The following UBAP2L variants were observed in gnomAD, a reference collection of about 807,000 sequenced individuals.
The protein encoded by UBAP2L is ubiquitin associated protein 2 like, also known as ubiquitin-associated protein 2-like.
Under a neutral mutation model 130.6 loss-of-function variants are expected in UBAP2L, and 12 were observed. The ratio of observed to expected loss-of-function variants is 0.09; its 90% CI spans 0.06 to 0.15. The LOEUF (loss-of-function observed/expected upper bound fraction) is 0.15, where lower values mean the gene tolerates loss of function less well. Ranked by LOEUF, UBAP2L falls within the 10% of genes least tolerant of loss-of-function variation. UBAP2L has a pLI of 1.00. For synonymous variants in UBAP2L, 503 were observed against 524.7 expected, an observed-to-expected ratio of 0.96 and a Z score of 0.57; for missense variants, 965 against 1,332.5, an observed-to-expected ratio of 0.72 and a Z score of 4.29.
intron 20 of UBAP2L, among the ~76,000 whole-genome samples, chr1:154,258,400 G>A (rs930331331): frequency 1.3e-5 from 2 of 152,178 alleles, no homozygotes; most frequent in Non-Finnish European, 2.9e-5. Context: ...GACATTAGTA[G>A]CTTTTTGCCC....
chr1:154,257,359 C>T lies in UBAP2L; in HGVS notation c.2367C>T (p.Pro789=), dbSNP rs761228880. The change falls in exon 20 of 27, where the codon CCC becomes CCT. Residue 789 remains proline, a synonymous_variant. Transcript: ENST00000428931. ...TTTCTCTTTTAGGAAAAGCTCCTCC[C>T]AACCTCCCTCCTGGGGTCCCGCCGT... ...SVATTSGKAP[P]NLPPGVPPLL... 4.3e-6 allele frequency: 7 copies of T among 1,613,902 alleles called. No homozygotes were observed. Among genetic ancestry groups the T allele is most frequent in the Non-Finnish European group, 5.9e-6 (7 of 1,180,042 alleles).
chr1:154,260,867 G>A, intron 22 of UBAP2L, 25 bp from the exon 23 acceptor site: 1 of 1,610,812 alleles, frequency 6.2e-7, no homozygotes. Context: ...AAAGAGGCAG[G>A]TACATTTAGC....
chr1:154,256,680 A>T (rs1194100349), intron 18 of UBAP2L, among the ~76,000 whole-genome samples: 1 of 152,192 alleles, frequency 6.6e-6, no homozygotes, highest in Non-Finnish European at 1.5e-5. Flanking sequence ...TTCCTAGTCC[A>T]CAAACTGGTC....
At chr1:154,253,808 G>A (rs941161719) in intron 14 of UBAP2L, 92 bp from the exon 15 acceptor site, 12 of 1,295,234 alleles carry the variant, frequency 9.3e-6, no homozygotes, top group Admixed American at 7.9e-5. Flanking sequence ...TTCAAATCAA[G>A]TTATTCCACT....
chr1:154,224,718 C>G (rs1244073582), intron 1 of UBAP2L, among the ~76,000 whole-genome samples: 2 of 152,100 alleles, frequency 1.3e-5, no homozygotes, highest in Non-Finnish European at 2.9e-5. Flanking sequence ...GTTTTTGTTT[C>G]CAGACTTTAC....
downstream of UBAP2L, chr1:154,270,883 C>T (rs931240678): frequency 1.3e-6 from 2 of 1,543,120 alleles, no homozygotes; most frequent in African/African-American, 2.8e-5. Context: ...CCGTCTAGGA[C>T]ATCCTCAATT....
chr1:154,227,907 G>C (rs1668515925), intron 3 of UBAP2L, among the ~76,000 whole-genome samples: 1 of 152,058 alleles, frequency 6.6e-6, no homozygotes, highest in South Asian at 2.1e-4. Context: ...TTAACCTCTT[G>C]CCTGTTGCTG....
chr1:154,241,723 A>G lies in UBAP2L; in HGVS notation c.756+158A>G. ...AGTGTTCTGAGCCAGAACATTTCAC[A>G]TATGTTATATGAAGGAGACTGGGCA... On this transcript the variant is annotated intron_variant, in intron 9 of 26. Coordinates refer to ENST00000428931, the MANE Select transcript of UBAP2L (RefSeq NM_014847.4). 2 of 985,366 alleles carry G rather than the reference A, an allele frequency of 2.0e-6. 1 individual carries two copies. Among genetic ancestry groups the G allele is most frequent in the Non-Finnish European group, 2.4e-6 (2 of 829,912 alleles). The allele number at this position is 985,366 out of a possible 1,614,324, so 61.0% of individuals were successfully genotyped here.
rs533116834 is a variant in UBAP2L, at chr1:154,222,765, T to C, written c.-41+1790T>C. Among the ~76,000 whole-genome samples the C allele has an allele frequency of 8.5e-5, 13 of 152,360 alleles. No individual in the cohort carries two copies. In the South Asian group the frequency reaches 1.9e-3, roughly 22 times the overall value. ...GCTACTAAGTCATACTGCTTTTGTA[T>C]TTTCCTGAAGTATTGGACACATAGT... On this transcript the variant is annotated intron_variant, in intron 1 of 26. Transcript: ENST00000428931.
At chr1:154,255,098 T>A in intron 16 of UBAP2L, 54 bp from the exon 17 acceptor site, 1 of 1,592,804 alleles carries the variant, frequency 6.3e-7, no homozygotes, top group Non-Finnish European at 8.6e-7. Context: ...GTCACCTCTC[T>A]ATAGACATTC....
chr1:154,242,950 C>G (rs1446866645), intron 9 of UBAP2L: 1 of 204,258 alleles, frequency 4.9e-6, no homozygotes, highest in Non-Finnish European at 9.8e-6. Context: ...TTTTTTATGT[C>G]TAGCATGCCT....
intron 15 of UBAP2L, 133 bp downstream of exon 15, chr1:154,254,222 C>A: frequency 2.4e-6 from 2 of 825,578 alleles, no homozygotes; most frequent in Non-Finnish European, 3.5e-6. Flanking sequence ...TTGAAAAAGG[C>A]ACACATCTGT....
intron 1 of UBAP2L, among the ~76,000 whole-genome samples, chr1:154,221,645 G>C (rs777189794): frequency 2.4e-4 from 36 of 152,316 alleles, no homozygotes; most frequent in East Asian, 7.7e-4. Context: ...TGGCGCTGAG[G>C]GGGGTGAGCC....
Position 154,236,062 on chromosome 1 carries a change from G to A in UBAP2L, c.545-504G>A, listed in dbSNP as rs933392005. On this transcript the variant is annotated intron_variant, in intron 6 of 26. Transcript: ENST00000428931. ...TAGTATTGTATTTGCTTGAGGACAT[G>A]GTAGTCTGAGAGCAAAAGAAAAATC... 7.2e-5 allele frequency among the ~76,000 whole-genome samples: 11 copies of A among 152,252 alleles called. No homozygotes were observed. In the East Asian group the frequency reaches 9.7e-4, roughly 13 times the overall value.
Position 154,260,873 on chromosome 1 carries a change from T to G in UBAP2L, c.2579-19T>G. The stretch of plus-strand genomic sequence containing the variant: ...ATTGGGGTGAAAGAGGCAGGTACAT[T>G]TAGCTTCTCCTGTCACAGGTGACCT... On this transcript the variant is annotated intron_variant, in intron 22 of 26. Transcript: ENST00000428931. The G allele has an allele frequency of 1.2e-6, 2 of 1,613,054 alleles. No individual in the cohort carries two copies. The highest frequency in any genetic ancestry group is 1.7e-6 in the Non-Finnish European group (2 of 1,179,090).
chr1:154,267,939 G>T (rs1683834551), intron 25 of UBAP2L, among the ~76,000 whole-genome samples: 1 of 113,636 alleles, frequency 8.8e-6, no homozygotes, highest in Non-Finnish European at 1.8e-5. Context: ...GCCCAGGCTG[G>T]AGTGTAATGG....
At chr1:154,228,549 A>C in intron 3 of UBAP2L, 66 bp from the exon 4 acceptor site, 1 of 1,218,358 alleles carries the variant, frequency 8.2e-7, no homozygotes, top group Non-Finnish European at 1.2e-6. Flanking sequence ...CCCTTCACCT[A>C]GTTTCCTTTC....
At chr1:154,245,241 T>C (rs2148796941) in intron 10 of UBAP2L, among the ~76,000 whole-genome samples, 1 of 152,298 alleles carries the variant, frequency 6.6e-6, no homozygotes, top group African/African-American at 2.4e-5. Context: ...GTCTTTCTAG[T>C]GACCAACCCT....
intron 11 of UBAP2L, 24 bp from the exon 12 acceptor site, chr1:154,249,215 T>C: frequency 3.7e-6 from 6 of 1,612,616 alleles, no homozygotes; most frequent in Non-Finnish European, 5.1e-6. Flanking sequence ...TGTAGGTTTC[T>C]CTCATCTCTT....
Sources: allele counts gnomAD v4.1 joint callset (sites outside exome capture counted in the v4.1 genomes callset), GRCh38; gene constraint gnomAD v4.1.1; transcripts MANE v1.5; gene names NCBI Gene and HGNC (gene_info 2026-07-23, HGNC 2026-07-21).